PCDHA1: variants seen among roughly 807,000 people sequenced by gnomAD.
PCDHA1 encodes protocadherin alpha-1.
In PCDHA1, 42 loss-of-function variants were observed where a neutral mutation model predicts 61.3. That is an observed-to-expected ratio of 0.69 (90% confidence interval 0.54 to 0.89). The LOEUF (loss-of-function observed/expected upper bound fraction) is 0.89, where lower values mean the gene tolerates loss of function less well. Ranked by LOEUF, PCDHA1 falls within the 40% of genes least tolerant of loss-of-function variation. The pLI is 0.00. For synonymous variants in PCDHA1, 610 were observed against 553.8 expected, an observed-to-expected ratio of 1.10 and a Z score of -1.43; for missense variants, 1,256 against 1,235.3, an observed-to-expected ratio of 1.02 and a Z score of -0.25.
intron 1 of PCDHA1, among the ~76,000 whole-genome samples, chr5:140,917,332 G>C (rs182473611): frequency 8.9e-5 from 13 of 145,644 alleles, no homozygotes; most frequent in East Asian, 6.0e-4. Flanking sequence ...GGCGGGGGAG[G>C]GGGGGGATGG....
At chr5:140,824,506 C>T (rs1362393009) in intron 1 of PCDHA1, 1 of 304,690 alleles carries the variant, frequency 3.3e-6, no homozygotes, top group Non-Finnish European at 6.1e-6. Flanking sequence ...GCTTAGTCTG[C>T]AGTGATCTGA....
At chr5:140,826,364 C>T (rs1768919207) in intron 1 of PCDHA1, among the ~76,000 whole-genome samples, 1 of 152,040 alleles carries the variant, frequency 6.6e-6, no homozygotes, top group Non-Finnish European at 1.5e-5. Context: ...AAAATAACTG[C>T]AATAGAAAGT....
chr5:140,871,665 C>G, intron 1 of PCDHA1: 1 of 1,187,684 alleles, frequency 8.4e-7, no homozygotes, highest in African/African-American at 1.5e-5. Flanking sequence ...CATCTTCAGT[C>G]TTTTAATCAT....
At chr5:140,846,369 C>CTTTTTTTTTTTTTTTTTT (rs797033964) in intron 1 of PCDHA1, among the ~76,000 whole-genome samples, 2 of 102,192 alleles carry the variant, frequency 2.0e-5, no homozygotes, top group South Asian at 3.3e-4. Flanking sequence ...TCTTTTCTTT[C>CTTTTTTTTTTTTTTTTTT]TTTCTTTTTT....
At chr5:140,877,276 G>A (rs1038142877) in intron 1 of PCDHA1, 5 of 1,613,744 alleles carry the variant, frequency 3.1e-6, no homozygotes, top group Admixed American at 1.7e-5. Context: ...CGCTGACTCC[G>A]GCTATAACGC....
At chr5:140,797,306 A>G (rs782364093) in intron 1 of PCDHA1, 2 of 1,614,022 alleles carry the variant, frequency 1.2e-6, no homozygotes, top group African/African-American at 1.3e-5. Context: ...CAAGGTCCAG[A>G]CTCCGCAGAA....
chr5:140,883,642 C>G (rs200197885), intron 1 of PCDHA1: 55 of 1,613,904 alleles, frequency 3.4e-5, no homozygotes, highest in East Asian at 2.0e-4. Flanking sequence ...TCGCGCAGCC[C>G]GAGTACACGG....
At position 140,924,955 on chromosome 5, in the gene PCDHA1, T is replaced by C. The variant is rs571597374; in HGVS notation, c.2395-53994T>C. Among the ~76,000 whole-genome samples, 96 of 145,332 alleles carry C rather than the reference T, an allele frequency of 6.6e-4. 1 individual carries two copies. The South Asian group carries it at 0.02, about 30-fold the overall frequency. The stretch of plus-strand genomic sequence containing the variant: ...ATAAAATAAAAAGTTAAAAAAAAAA[T>C]GCAAGGTGAGTGCAGTGGCTCATGT... On this transcript the variant is annotated intron_variant, in intron 1 of 3. Transcript: ENST00000504120.
At chr5:140,809,477 C>T (rs782448560) in intron 1 of PCDHA1, 3 of 1,614,224 alleles carry the variant, frequency 1.9e-6, no homozygotes, top group Non-Finnish European at 2.5e-6. Flanking sequence ...TGGTGAGGGC[C>T]CACCCAAGAC....
At chr5:140,838,741 G>A (rs2150292053) in intron 1 of PCDHA1, among the ~76,000 whole-genome samples, 3 of 152,088 alleles carry the variant, frequency 2.0e-5, no homozygotes, top group African/African-American at 7.2e-5. Flanking sequence ...TTTGAGACCA[G>A]CTTGTGCATC....
intron 1 of PCDHA1, chr5:140,801,211 G>A (rs782110175): frequency 3.7e-6 from 6 of 1,605,724 alleles, no homozygotes; most frequent in South Asian, 2.2e-5. Flanking sequence ...TTGTTCTCCT[G>A]GCGAGAAGAT....
intron 1 of PCDHA1, chr5:140,836,028 G>A: frequency 6.2e-7 from 1 of 1,613,510 alleles, no homozygotes; most frequent in Non-Finnish European, 8.5e-7. Context: ...GGGCAGCAAC[G>A]TGACGCTGCA....
intron 1 of PCDHA1, among the ~76,000 whole-genome samples, chr5:140,886,602 C>T (rs1167539535): frequency 6.6e-6 from 1 of 151,756 alleles, no homozygotes; most frequent in Non-Finnish European, 1.5e-5. Flanking sequence ...CCAAGGTGGG[C>T]GGATCAGGAG....
At chr5:140,824,024 C>G in intron 1 of PCDHA1, 5 of 1,614,122 alleles carry the variant, frequency 3.1e-6, no homozygotes, top group Non-Finnish European at 4.2e-6. Flanking sequence ...TGGTCGTACT[C>G]GCAGCAGAGG....
intron 1 of PCDHA1, chr5:140,876,892 A>G (rs782046911): frequency 1.2e-6 from 2 of 1,614,044 alleles, no homozygotes; most frequent in South Asian, 1.1e-5. Context: ...GGGCTGCCAC[A>G]TCTTCACGGT....
chr5:140,811,630 T>G (rs1764925222), intron 1 of PCDHA1: 1 of 152,238 alleles, frequency 6.6e-6, no homozygotes. Context: ...TGTAAAAGCG[T>G]TACTATTTCT....
intron 1 of PCDHA1, among the ~76,000 whole-genome samples, chr5:140,917,700 T>C (rs879971168): frequency 2.0e-5 from 3 of 152,166 alleles, no homozygotes; most frequent in Non-Finnish European, 4.4e-5. Flanking sequence ...GATCAGATAA[T>C]TGTAGGTGTG....
At position 140,851,914 on chromosome 5, in the gene PCDHA1, A is replaced by G. The variant is rs1213624827; in HGVS notation, c.2394+63230A>G. 6 of 969,578 alleles carry G rather than the reference A, an allele frequency of 6.2e-6. No individual in the cohort carries two copies. The African/African-American group carries it at 7.1e-5, about 11-fold the overall frequency. 60.1% of individuals were successfully genotyped at this position (969,578 alleles called of 1,614,324 possible). On this transcript the variant is annotated intron_variant, in intron 1 of 3. Coordinates refer to ENST00000504120, the MANE Select transcript of PCDHA1 (RefSeq NM_018900.4). ...AGATTTGCCTCTTTAATGTCACTAC[A>G]TGTTATGTTTCCTGAATTGTAGTAT... is the stretch of plus-strand genomic sequence containing the variant.
intron 1 of PCDHA1, among the ~76,000 whole-genome samples, chr5:140,893,817 C>G (rs951661016): frequency 6.6e-6 from 1 of 151,980 alleles, no homozygotes; most frequent in Admixed American, 6.6e-5. Flanking sequence ...AGTCTGGTAC[C>G]GTAGACTACT....
Sources: gnomAD v4.1 joint callset for allele counts (sites outside exome capture counted in the v4.1 genomes callset) on GRCh38, gnomAD v4.1.1 for gene constraint, MANE v1.5 for transcripts, NCBI Gene and HGNC (gene_info 2026-07-23, HGNC 2026-07-21) for gene names.